Variants in KDM4C observed in about 807,000 individuals in gnomAD.
The protein encoded by KDM4C is lysine-specific demethylase 4C.
In KDM4C, 81 loss-of-function variants were observed where a neutral mutation model predicts 129.3. That is an observed-to-expected ratio of 0.63 (90% confidence interval 0.52 to 0.75). The LOEUF is 0.75. Among genes scored for constraint, KDM4C ranks in the 30% least tolerant of loss-of-function variants. The pLI, the probability that KDM4C is intolerant of heterozygous loss-of-function variation, is 0.00. For synonymous variants in KDM4C, 573 were observed against 456.1 expected (o/e 1.26, Z -3.26); for missense variants, 1,457 against 1,304.0 (o/e 1.12, Z -1.81).
intron 5 of KDM4C, 141 bp from the exon 6 acceptor site, chr9:6,879,871 C>T (rs763140002): frequency 2.3e-5 from 10 of 441,444 alleles, no homozygotes; most frequent in Non-Finnish European, 3.7e-5. Context: ...CTGTGATTGG[C>T]TTTCTAATCT....
At chr9:7,116,861 C>A (rs780081341) in intron 18 of KDM4C, among the ~76,000 whole-genome samples, 3 of 152,168 alleles carry the variant, frequency 2.0e-5, no homozygotes, top group African/African-American at 7.2e-5. Context: ...GGCACAGTTA[C>A]CTCTTCCTCT....
At chr9:6,876,274 T>A (rs892782738) in intron 5 of KDM4C, among the ~76,000 whole-genome samples, 1 of 152,180 alleles carries the variant, frequency 6.6e-6, no homozygotes, top group Admixed American at 6.5e-5. Flanking sequence ...GAGAAGTGAT[T>A]TAGCCATCTT....
chr9:6,746,746 C>T (rs35242980), intron 1 of KDM4C, among the ~76,000 whole-genome samples: 43,013 of 148,494 alleles, frequency 0.29, 6,832 homozygotes, highest in African/African-American at 0.41. Context: ...CGGTGGCTCA[C>T]GCCTGTAATC....
chr9:7,140,084 A>T (rs1841588653), intron 19 of KDM4C, among the ~76,000 whole-genome samples: 1 of 152,144 alleles, frequency 6.6e-6, no homozygotes, highest in African/African-American at 2.4e-5. Context: ...CTGAGATCTT[A>T]TCCAGAAGCT....
chr9:6,754,833 C>T (rs567828701), upstream of KDM4C, among the ~76,000 whole-genome samples: 14 of 147,986 alleles, frequency 9.5e-5, no homozygotes, highest in East Asian at 2.0e-3. Context: ...CGTGATAGTG[C>T]CACTGCACTC....
intron 8 of KDM4C, among the ~76,000 whole-genome samples, chr9:6,894,048 C>T (rs138234912): frequency 1.4e-4 from 22 of 152,120 alleles, no homozygotes; most frequent in Middle Eastern, 6.8e-3. Context: ...ATAAATAAAG[C>T]GTATGTGGTC....
intron 8 of KDM4C, among the ~76,000 whole-genome samples, chr9:6,893,865 T>C (rs1372089707): frequency 6.6e-6 from 1 of 152,236 alleles, no homozygotes; most frequent in African/African-American, 2.4e-5. Context: ...TTAATTACTT[T>C]CCCCCTGTGG....
At chr9:7,045,502 A>G (rs925448986) in intron 15 of KDM4C, among the ~76,000 whole-genome samples, 4 of 152,138 alleles carry the variant, frequency 2.6e-5, no homozygotes, top group Non-Finnish European at 5.9e-5. Flanking sequence ...AAAATGAACT[A>G]CCAGAGTTCT....
At chr9:6,783,775 T>A (rs758033618) in intron 1 of KDM4C, among the ~76,000 whole-genome samples, 39 of 152,134 alleles carry the variant, frequency 2.6e-4, no homozygotes, top group Non-Finnish European at 4.9e-4. Flanking sequence ...ACATATTGAT[T>A]GTAGCAATTA....
At position 7,046,923 on chromosome 9, in the gene KDM4C, T is replaced by C. The variant is rs1421928715; in HGVS notation, c.2315+6T>C. ...AAGCAAACGAAGAACAATAAGTAAG[T>C]AATACATTAATTGTGTTGAATTTCA... On this transcript the variant is annotated splice_donor_region_variant and intron_variant, in intron 16 of 21. Coordinates refer to ENST00000381309, the MANE Select transcript of KDM4C (RefSeq NM_015061.6). 6.5e-7 allele frequency: 1 copy of C among 1,543,128 alleles called. No individual in the cohort carries two copies. Among genetic ancestry groups the C allele is most frequent in the South Asian group, 1.1e-5 (1 of 88,630 alleles).
At chr9:6,722,440 G>A (rs2130173036) in intron 1 of KDM4C, among the ~76,000 whole-genome samples, 1 of 152,232 alleles carries the variant, frequency 6.6e-6, no homozygotes, top group African/African-American at 2.4e-5. Flanking sequence ...CACTTTGGGA[G>A]GCTGAGGCGG....
chr9:7,060,542 T>C (rs1288758731), intron 17 of KDM4C, among the ~76,000 whole-genome samples: 2 of 151,310 alleles, frequency 1.3e-5, no homozygotes, highest in East Asian at 1.9e-4. Flanking sequence ...AGTGCAGTGG[T>C]GCGATCTCGG....
intron 17 of KDM4C, among the ~76,000 whole-genome samples, chr9:7,083,356 C>A (rs1401841045): frequency 1.3e-5 from 2 of 152,154 alleles, no homozygotes; most frequent in Non-Finnish European, 2.9e-5. Context: ...GGACTTTGAA[C>A]TTTTGGATTA....
chr9:7,120,322 T>G (rs1394074906), intron 18 of KDM4C, among the ~76,000 whole-genome samples: 1 of 152,178 alleles, frequency 6.6e-6, no homozygotes, highest in Non-Finnish European at 1.5e-5. Context: ...TTGTTTGAAA[T>G]TTGGCTATTT....
rs58094712 is a variant in KDM4C, at chr9:6,818,612, G to A, written c.435+3867G>A. Among the ~76,000 whole-genome samples, 1,460 of 152,276 alleles carry A rather than the reference G, an allele frequency of 9.6e-3. 18 individuals are homozygous for A. Among genetic ancestry groups the A allele is most frequent in the African/African-American group, 0.032 (1,336 of 41,548 alleles). The stretch of plus-strand genomic sequence containing the variant: ...TATTGAAAACATTTGTGTGGGTCCC[G>A]TATCTTTATGCTCTTACCAGTAGGC... On this transcript the variant is annotated intron_variant, in intron 4 of 21. Transcript: ENST00000381309.
intron 12 of KDM4C, among the ~76,000 whole-genome samples, chr9:7,004,802 G>A (rs930334831): frequency 6.6e-6 from 1 of 152,118 alleles, no homozygotes; most frequent in African/African-American, 2.4e-5. Context: ...AATCTGTGTT[G>A]TCATCTTAAA....
chr9:7,041,270 T>G (rs373672708), intron 15 of KDM4C, among the ~76,000 whole-genome samples: 12 of 152,050 alleles, frequency 7.9e-5, no homozygotes, highest in African/African-American at 2.7e-4. Context: ...TTAAGTATTA[T>G]AAGTAATCTA....
At chr9:6,885,065 T>C (rs910327260) in intron 6 of KDM4C, among the ~76,000 whole-genome samples, 2 of 152,212 alleles carry the variant, frequency 1.3e-5, no homozygotes, top group Non-Finnish European at 2.9e-5. Flanking sequence ...GCTCATTGAG[T>C]TTTGACAAAT....
chr9:6,899,670 C>G (rs1385707538), intron 8 of KDM4C, among the ~76,000 whole-genome samples: 2 of 152,034 alleles, frequency 1.3e-5, no homozygotes, highest in African/African-American at 4.8e-5. Flanking sequence ...ACATTATGTC[C>G]TCTTTTTATA....
Sources: allele counts gnomAD v4.1 joint callset (sites outside exome capture counted in the v4.1 genomes callset), GRCh38; gene constraint gnomAD v4.1.1; transcripts MANE v1.5; gene names NCBI Gene and HGNC (gene_info 2026-07-23, HGNC 2026-07-21).